The following NRG3 variants were observed in gnomAD, a reference collection of about 807,000 sequenced individuals.
The protein encoded by NRG3 is pro-neuregulin-3, membrane-bound isoform.
Under a neutral mutation model 66.9 loss-of-function variants are expected in NRG3, and 31 were observed. The ratio of observed to expected loss-of-function variants is 0.46; its 90% CI spans 0.35 to 0.63. NRG3 has a LOEUF of 0.63. Ranked by LOEUF, NRG3 falls within the 20% of genes least tolerant of loss-of-function variation. NRG3 has a pLI of 0.00. For missense variants in NRG3, 910 were observed against 878.9 expected (o/e 1.04, Z -0.45); for synonymous variants, 393 against 359.4 (o/e 1.09, Z -1.06).
At chr10:81,902,982 A>G (rs1314332940) in intron 1 of NRG3, among the ~76,000 whole-genome samples, 1 of 152,074 alleles carries the variant, frequency 6.6e-6, no homozygotes, top group South Asian at 2.1e-4. Context: ...TGGGACAGGT[A>G]CTATTATCTC....
intron 1 of NRG3, among the ~76,000 whole-genome samples, chr10:82,306,833 T>C (rs1252350112): frequency 6.6e-6 from 1 of 152,016 alleles, no homozygotes; most frequent in African/African-American, 2.4e-5. Context: ...TTTGTCTGTT[T>C]AGATTTTGAA....
chr10:82,924,594 C>A (rs1846795984), intron 4 of NRG3, among the ~76,000 whole-genome samples: 2 of 144,802 alleles, frequency 1.4e-5, no homozygotes, highest in African/African-American at 5.2e-5. Context: ...AAAAAAAAAG[C>A]TTTTAAAGAT....
chr10:81,974,813 A>G (rs2060058092), intron 1 of NRG3, among the ~76,000 whole-genome samples: 1 of 152,104 alleles, frequency 6.6e-6, no homozygotes, highest in Non-Finnish European at 1.5e-5. Flanking sequence ...TTCCTGAAAA[A>G]CAACTTAAGT....
chr10:82,653,743 G>A (rs937056359), intron 2 of NRG3, among the ~76,000 whole-genome samples: 16 of 152,030 alleles, frequency 1.1e-4, no homozygotes, highest in Non-Finnish European at 7.4e-5. Context: ...CAGAGGAAGG[G>A]CAATGGTTTG....
chr10:82,817,778 C>T (rs2061777665), intron 3 of NRG3, among the ~76,000 whole-genome samples: 1 of 152,186 alleles, frequency 6.6e-6, no homozygotes. Context: ...AGCCTTTCTC[C>T]CTTGCTTCTT....
At chr10:82,485,073 C>T (rs1842573519) in intron 2 of NRG3, among the ~76,000 whole-genome samples, 1 of 152,004 alleles carries the variant, frequency 6.6e-6, no homozygotes, top group Non-Finnish European at 1.5e-5. Context: ...TTTATAGCAC[C>T]CTTCACAATA....
At chr10:82,475,051 A>C (rs1165682966) in intron 2 of NRG3, among the ~76,000 whole-genome samples, 1 of 152,070 alleles carries the variant, frequency 6.6e-6, no homozygotes, top group Non-Finnish European at 1.5e-5. Flanking sequence ...TTATACTTTA[A>C]AAACCTCGAA....
intron 3 of NRG3, among the ~76,000 whole-genome samples, chr10:82,832,806 G>GTGTA (rs1424766885): frequency 7.0e-6 from 1 of 142,382 alleles, no homozygotes; most frequent in Non-Finnish European, 1.5e-5. Flanking sequence ...GCATGTAATT[G>GTGTA]TGTGTGTGTG....
At chr10:82,256,209 A>G in intron 1 of NRG3, among the ~76,000 whole-genome samples, 1 of 152,236 alleles carries the variant, frequency 6.6e-6, no homozygotes, top group East Asian at 1.9e-4. Context: ...GGCGTGAGCC[A>G]CTGTGCCTGG....
At chr10:81,951,390 A>T (rs902353865) in intron 1 of NRG3, among the ~76,000 whole-genome samples, 2 of 152,168 alleles carry the variant, frequency 1.3e-5, no homozygotes, top group Admixed American at 1.3e-4. Flanking sequence ...GTGTATCAGG[A>T]ATGAAATACC....
At chr10:81,923,071 AAAT>A (rs1257139083) in intron 1 of NRG3, among the ~76,000 whole-genome samples, 1 of 152,208 alleles carries the variant, frequency 6.6e-6, no homozygotes, top group Non-Finnish European at 1.5e-5. Flanking sequence ...TATTATTAGG[AAAT>A]AATGAGAGTT....
chr10:82,269,100 G>T (rs1485891650), intron 1 of NRG3, among the ~76,000 whole-genome samples: 2 of 152,052 alleles, frequency 1.3e-5, no homozygotes, highest in African/African-American at 2.4e-5. Flanking sequence ...CTTTCTCTGA[G>T]AAATTCAATG....
chr10:82,266,406 C>T (rs1057447897), intron 1 of NRG3, among the ~76,000 whole-genome samples: 1 of 152,074 alleles, frequency 6.6e-6, no homozygotes, highest in Non-Finnish European at 1.5e-5. Flanking sequence ...CGTGCAGAGT[C>T]CAGTGGGCCT....
chr10:82,687,288 T>C (rs1394361931), intron 2 of NRG3, among the ~76,000 whole-genome samples: 2 of 152,176 alleles, frequency 1.3e-5, no homozygotes, highest in Non-Finnish European at 2.9e-5. Context: ...TTTTTCTCTA[T>C]GATCAAGGAG....
chr10:81,989,629 T>C (rs2060659369), intron 1 of NRG3, among the ~76,000 whole-genome samples: 1 of 152,198 alleles, frequency 6.6e-6, no homozygotes, highest in Non-Finnish European at 1.5e-5. Flanking sequence ...GTGACAAAAC[T>C]GGTTTCATTG....
chr10:82,050,845 C>T (rs576606610), intron 1 of NRG3, among the ~76,000 whole-genome samples: 20 of 87,598 alleles, frequency 2.3e-4, no homozygotes, highest in African/African-American at 5.9e-4. Context: ...ATATCCTTCT[C>T]TCTACCCACC....
At chr10:82,747,703 T>G (rs963717821) in intron 3 of NRG3, among the ~76,000 whole-genome samples, 4 of 152,020 alleles carry the variant, frequency 2.6e-5, no homozygotes, top group African/African-American at 9.6e-5. Context: ...TTAAAAGAGT[T>G]TGCTATTTTG....
chr10:82,728,327 A>C (rs1334450853), intron 2 of NRG3, among the ~76,000 whole-genome samples: 1 of 152,112 alleles, frequency 6.6e-6, no homozygotes, highest in African/African-American at 2.4e-5. Flanking sequence ...CAATTCCCAC[A>C]TGTCATGGGA....
chr10:82,468,180 AC>A (rs1564956560), intron 2 of NRG3, among the ~76,000 whole-genome samples: 1 of 152,116 alleles, frequency 6.6e-6, no homozygotes, highest in Non-Finnish European at 1.5e-5. Context: ...TAGGATTTAA[AC>A]CCAGGTCATG....
Sources: allele counts gnomAD v4.1 joint callset (sites outside exome capture counted in the v4.1 genomes callset), GRCh38; gene constraint gnomAD v4.1.1; transcripts MANE v1.5; gene names NCBI Gene and HGNC (gene_info 2026-07-23, HGNC 2026-07-21).